The following DOCK4 variants were observed in gnomAD, a reference collection of about 807,000 sequenced individuals.
DOCK4 encodes dedicator of cytokinesis protein 4.
A neutral mutation model predicts 268.1 loss-of-function variants in DOCK4; 97 were observed. The observed-to-expected ratio is 0.36, with a 90% confidence interval of 0.31 to 0.43. The LOEUF is 0.43. Ranked by LOEUF, DOCK4 falls within the 20% of genes least tolerant of loss-of-function variation. The pLI is 1.00. For missense variants in DOCK4, 2,145 were observed against 2,455.7 expected (o/e 0.87, Z 2.67); for synonymous variants, 954 against 887.2 (o/e 1.08, Z -1.34).
At chr7:111,824,097 T>G (rs1802217450) in intron 26 of DOCK4, among the ~76,000 whole-genome samples, 1 of 152,196 alleles carries the variant, frequency 6.6e-6, no homozygotes, top group South Asian at 2.1e-4. Context: ...ATCCGGTCCA[T>G]GTCTCCAGAA....
At chr7:111,810,064 A>G (rs771870656) in intron 28 of DOCK4, among the ~76,000 whole-genome samples, 8 of 152,188 alleles carry the variant, frequency 5.3e-5, no homozygotes, top group Admixed American at 5.2e-4. Flanking sequence ...ATAACAAACC[A>G]GGAGACATAT....
chr7:111,927,875 T>TA (rs1793858997), intron 12 of DOCK4, among the ~76,000 whole-genome samples: 1 of 152,152 alleles, frequency 6.6e-6, no homozygotes, highest in African/African-American at 2.4e-5. Context: ...GAGCAGGTCA[T>TA]AAGAAGTGCC....
At chr7:112,056,496 C>G (rs1805831650) in intron 1 of DOCK4, among the ~76,000 whole-genome samples, 1 of 152,206 alleles carries the variant, frequency 6.6e-6, no homozygotes, top group Admixed American at 6.5e-5. Context: ...GCTGCCTTTC[C>G]TGCATCACAG....
In DOCK4 at chr7:111,888,781, C is replaced by G. The variant is rs557413898; in HGVS notation, c.1587+6831G>C. On this transcript the variant is annotated intron_variant, in intron 16 of 52. Transcript: ENST00000428084. ...AATACAAGTTGGTGGAAGACAGTAA[C>G]TAGGACACATGGAAAATTGCAGCGC... Among the ~76,000 whole-genome samples the G allele has an allele frequency of 6.6e-4, 100 of 152,240 alleles. 1 individual carries two copies. Among genetic ancestry groups the G allele is most frequent in the African/African-American group, 2.3e-3 (95 of 41,548 alleles).
rs34373613 is a variant in DOCK4 at position 112,099,297 on chromosome 7, T to TAAAAAAAAA, written c.38-95175_38-95167dup. 4.9e-5 allele frequency among the ~76,000 whole-genome samples: 6 copies of TAAAAAAAAA among 123,350 alleles called. No individual in the cohort carries two copies. In the South Asian group the frequency reaches 1.4e-3, roughly 28 times the overall value. 80.9% of individuals were successfully genotyped at this position (123,350 alleles called of 152,430 possible). On this transcript the variant is annotated intron_variant, in intron 1 of 52. Coordinates refer to ENST00000428084, the MANE Select transcript of DOCK4 (RefSeq NM_001363540.2). ...ATAGAGCAAGACCCTGTCTCGGATT[T>TAAAAAAAAA]AAAAAAAAAAAAAAAAAAAAAGTAG... is the stretch of plus-strand genomic sequence containing the variant.
rs564121451 is a variant in DOCK4 at position 111,735,089 on chromosome 7, A to G, written c.5384T>C (p.Ile1795Thr). 7 of 1,600,494 alleles carry G rather than the reference A, an allele frequency of 4.4e-6. No homozygotes were observed. In the African/African-American group the frequency reaches 5.3e-5, roughly 12 times the overall value. ...GGGTCTTGGAGGGACAGGGGGAGAG[A>G]TAAGTTTCCCACTATCCGACATGTT... ...AKNMSDSGKL[I>T]SPPVPPRPTQ... Residue 1795 changes from isoleucine to threonine, a missense_variant, in exon 51 of 53, where the codon ATC (isoleucine) becomes ACC (threonine). This residue lies in a region of DOCK4 where 547 missense variants were observed against 469.0 expected (regional missense o/e 1.17). Transcript: ENST00000428084.
intron 13 of DOCK4, among the ~76,000 whole-genome samples, chr7:111,908,045 T>C (rs988496944): frequency 3.9e-5 from 6 of 152,212 alleles, no homozygotes; most frequent in Non-Finnish European, 8.8e-5. Flanking sequence ...GGATATATTT[T>C]TAAGGAAAAT....
At chr7:111,918,060 T>C (rs1471053536) in intron 12 of DOCK4, among the ~76,000 whole-genome samples, 4 of 152,078 alleles carry the variant, frequency 2.6e-5, no homozygotes, top group Non-Finnish European at 4.4e-5. Flanking sequence ...GGTTAAAATA[T>C]CAGGAAAATT....
At chr7:111,875,763 GC>G (rs1186203626) in intron 17 of DOCK4, among the ~76,000 whole-genome samples, 1 of 152,216 alleles carries the variant, frequency 6.6e-6, no homozygotes, top group Non-Finnish European at 1.5e-5. Flanking sequence ...GGGGAATGCA[GC>G]CCTGCTGGCA....
intron 16 of DOCK4, among the ~76,000 whole-genome samples, chr7:111,879,809 T>C (rs1281531651): frequency 6.6e-6 from 1 of 152,130 alleles, no homozygotes; most frequent in Non-Finnish European, 1.5e-5. Context: ...AGTCTCTTAA[T>C]AGCAGAATTG....
At chr7:111,769,925 TTTTG>T (rs914090160) in intron 36 of DOCK4, among the ~76,000 whole-genome samples, 4 of 152,164 alleles carry the variant, frequency 2.6e-5, no homozygotes, top group African/African-American at 7.2e-5. Context: ...TGTTTTTGTC[TTTTG>T]TTTTTGTCTT....
chr7:111,868,610 T>A (rs1230079064), intron 21 of DOCK4, among the ~76,000 whole-genome samples: 1 of 151,944 alleles, frequency 6.6e-6, no homozygotes, highest in Non-Finnish European at 1.5e-5. Context: ...CTTGGGAGGC[T>A]GAGGCAGGAG....
chr7:112,191,326 C>A (rs754911689), intron 1 of DOCK4, among the ~76,000 whole-genome samples: 18 of 152,146 alleles, frequency 1.2e-4, no homozygotes, highest in Non-Finnish European at 1.6e-4. Context: ...ACATTTATTC[C>A]CTTCACGTCA....
At chr7:112,010,010 T>C (rs1201539692) in intron 1 of DOCK4, among the ~76,000 whole-genome samples, 1 of 152,078 alleles carries the variant, frequency 6.6e-6, no homozygotes. Context: ...AGAGATGGGG[T>C]TTCGCCATAT....
At chr7:111,932,241 T>C (rs1562903115) in intron 12 of DOCK4, among the ~76,000 whole-genome samples, 1 of 152,172 alleles carries the variant, frequency 6.6e-6, no homozygotes, top group Non-Finnish European at 1.5e-5. Flanking sequence ...GGGAAAGACA[T>C]GTAGCCAACA....
chr7:112,182,363 T>A (rs1009651195), intron 1 of DOCK4, among the ~76,000 whole-genome samples: 6 of 152,220 alleles, frequency 3.9e-5, no homozygotes, highest in Non-Finnish European at 8.8e-5. Context: ...TGATGTAATA[T>A]TTTTTAAAAA....
intron 1 of DOCK4, among the ~76,000 whole-genome samples, chr7:112,185,114 T>C (rs967519602): frequency 2.6e-5 from 4 of 152,104 alleles, no homozygotes; most frequent in Non-Finnish European, 5.9e-5. Context: ...AAATCAATAA[T>C]ACTGAACTAC....
chr7:111,782,800 G>T lies in DOCK4; in HGVS notation c.3585+64C>A, dbSNP rs1463231999. 6 of 1,486,436 alleles carry T rather than the reference G, an allele frequency of 4.0e-6. No homozygotes were observed. In the East Asian group the frequency reaches 1.4e-4, roughly 34 times the overall value. The allele number at this position is 1,486,436 out of a possible 1,614,324, so 92.1% of individuals were successfully genotyped here. On this transcript the variant is annotated intron_variant, in intron 35 of 52. Transcript: ENST00000428084. ...GCAGATTAAACACAAACAAAACATA[G>T]TATTTCTGGGAAAAAAATACAAGTA...
chr7:112,195,799 A>G (rs1181019177), intron 1 of DOCK4, among the ~76,000 whole-genome samples: 7 of 152,212 alleles, frequency 4.6e-5, no homozygotes, highest in Admixed American at 4.6e-4. Flanking sequence ...TCTAATAAAC[A>G]GCAAATTTCT....
Sources: gnomAD v4.1 joint callset for allele counts (sites outside exome capture counted in the v4.1 genomes callset) on GRCh38, gnomAD v4.1.1 for gene constraint, gnomAD v4.1.1 regional missense constraint, MANE v1.5 for transcripts, NCBI Gene and HGNC (gene_info 2026-07-23, HGNC 2026-07-21) for gene names.